ZBTB20: variants seen among roughly 807,000 people sequenced by gnomAD.
ZBTB20 encodes the protein zinc finger and BTB domain-containing protein 20.
Under a neutral mutation model 56.9 loss-of-function variants are expected in ZBTB20, and 9 were observed. The observed-to-expected ratio is 0.16, with a 90% CI of 0.10 to 0.28. The LOEUF (loss-of-function observed/expected upper bound fraction) is 0.28. Ranked by LOEUF, ZBTB20 falls within the 10% of genes least tolerant of loss-of-function variation. The pLI is 1.00. For synonymous variants in ZBTB20, 417 were observed against 420.7 expected (o/e 0.99, Z 0.11); for missense variants, 655 against 1,003.0 (o/e 0.65, Z 4.69).
At chr3:114,736,528 G>A (rs1225245649) in intron 5 of ZBTB20, among the ~76,000 whole-genome samples, 1 of 152,112 alleles carries the variant, frequency 6.6e-6, no homozygotes, top group Non-Finnish European at 1.5e-5. Flanking sequence ...CATTTTGGTA[G>A]TTCTGCATTT....
At chr3:114,660,746 A>T (rs79759699) in intron 6 of ZBTB20, among the ~76,000 whole-genome samples, 14,849 of 152,194 alleles carry the variant, frequency 0.098, 859 homozygotes, top group Middle Eastern at 0.16. Flanking sequence ...TAAAACCTGA[A>T]TCATTTAATG....
chr3:115,012,572 A>T (rs894986763), intron 2 of ZBTB20, among the ~76,000 whole-genome samples: 5 of 151,770 alleles, frequency 3.3e-5, no homozygotes, highest in Non-Finnish European at 5.9e-5. Context: ...TACAAAGCAA[A>T]CATTTTTATA....
intron 10 of ZBTB20, among the ~76,000 whole-genome samples, chr3:114,363,690 A>G (rs1330282121): frequency 6.6e-6 from 1 of 152,202 alleles, no homozygotes; most frequent in African/African-American, 2.4e-5. Context: ...GATTTAGGGC[A>G]TTACTAGTAT....
At chr3:114,700,761 C>A (rs1003390051) in intron 5 of ZBTB20, among the ~76,000 whole-genome samples, 3 of 152,228 alleles carry the variant, frequency 2.0e-5, no homozygotes, top group African/African-American at 2.4e-5. Flanking sequence ...TTAAAAGAGT[C>A]CTCTGACATG....
intron 6 of ZBTB20, among the ~76,000 whole-genome samples, chr3:114,622,387 C>T (rs1357371447): frequency 6.6e-6 from 1 of 152,070 alleles, no homozygotes; most frequent in Non-Finnish European, 1.5e-5. Context: ...CTAACACGAG[C>T]TAACTACAAT....
chr3:114,730,602 T>C (rs891505657), intron 5 of ZBTB20, among the ~76,000 whole-genome samples: 1 of 152,186 alleles, frequency 6.6e-6, no homozygotes, highest in South Asian at 2.1e-4. Flanking sequence ...AGAGGTTCTC[T>C]TGAGCTCACA....
intron 6 of ZBTB20, among the ~76,000 whole-genome samples, chr3:114,573,132 T>A (rs1412322769): frequency 6.6e-6 from 1 of 152,170 alleles, no homozygotes; most frequent in Non-Finnish European, 1.5e-5. Context: ...TTGAGTATGT[T>A]AATCTTAGAA....
intron 3 of ZBTB20, among the ~76,000 whole-genome samples, chr3:114,908,025 A>G (rs373722865): frequency 3.3e-4 from 50 of 152,074 alleles, no homozygotes; most frequent in African/African-American, 1.2e-3. Context: ...TCAAGTGAAG[A>G]CCCAAAAGAA....
chr3:114,659,997 T>C (rs1328603581), intron 6 of ZBTB20, among the ~76,000 whole-genome samples: 1 of 151,984 alleles, frequency 6.6e-6, no homozygotes, highest in Non-Finnish European at 1.5e-5. Context: ...TAAAAATTTT[T>C]TAAAAATTCT....
intron 5 of ZBTB20, among the ~76,000 whole-genome samples, chr3:114,789,411 G>A (rs767735404): frequency 3.3e-5 from 5 of 152,104 alleles, no homozygotes; most frequent in Admixed American, 6.6e-5. Context: ...AGCGGTTAGC[G>A]TGCAACTAGA....
At chr3:115,113,506 G>A (rs1408642251) in intron 1 of ZBTB20, among the ~76,000 whole-genome samples, 1 of 152,164 alleles carries the variant, frequency 6.6e-6, no homozygotes, top group East Asian at 1.9e-4. Context: ...GCTCCAACAG[G>A]GTCTGCAGCA....
chr3:114,339,278 C>T lies in ZBTB20; in HGVS notation c.1953G>A (p.Val651=), dbSNP rs752663680. ...KRFTQKSSLN[V]HMRLHRGEKS... ...TCTCTCCCCGGTGGAGGCGCATGTG[C>T]ACGTTGAGGGAGCTCTTCTGGGTGA... Residue 651 remains valine, a synonymous_variant, in exon 12 of 12, where the codon GTG becomes GTA. Transcript: ENST00000675478. This position sits in a 1 kb window ranked among gnomAD's most constrained non-coding sequence, Gnocchi z 4.2. 12 of 1,614,062 alleles carry T rather than the reference C, an allele frequency of 7.4e-6. No homozygotes were observed. In the South Asian group the frequency reaches 1.2e-4, roughly 16 times the overall value.
intron 1 of ZBTB20, among the ~76,000 whole-genome samples, chr3:115,145,916 T>C (rs532857491): frequency 1.1e-4 from 16 of 152,328 alleles, no homozygotes; most frequent in East Asian, 5.8e-4. Context: ...CTTGAAAACA[T>C]TGGGTGAATG....
intron 3 of ZBTB20, among the ~76,000 whole-genome samples, chr3:114,966,459 C>A (rs947242261): frequency 2.6e-5 from 4 of 152,112 alleles, no homozygotes; most frequent in African/African-American, 7.2e-5. Flanking sequence ...TTAACACTTT[C>A]TATGTGCTAG....
At chr3:115,146,982 G>C (rs1560608879) in intron 1 of ZBTB20, among the ~76,000 whole-genome samples, 2 of 150,112 alleles carry the variant, frequency 1.3e-5, no homozygotes, top group Non-Finnish European at 3.0e-5. Context: ...CGCCGGGGGA[G>C]GGGGCGCGGG....
chr3:114,865,412 A>C lies in ZBTB20; in HGVS notation c.-417+34892T>G, dbSNP rs560523751. On this transcript the variant is annotated intron_variant, in intron 4 of 11. Coordinates refer to ENST00000675478, the MANE Select transcript of ZBTB20 (RefSeq NM_001348800.3). ...CTTGTCTTAAGTACTAGAGAAAGAA[A>C]TATTTGGTCCTAGGTGGCAGATCTT... 2.6e-5 allele frequency among the ~76,000 whole-genome samples: 4 copies of C among 152,278 alleles called. No homozygotes were observed. In the South Asian group the frequency reaches 8.3e-4, roughly 32 times the overall value.
intron 7 of ZBTB20, among the ~76,000 whole-genome samples, chr3:114,491,216 C>T (rs1489850388): frequency 6.6e-6 from 1 of 152,184 alleles, no homozygotes; most frequent in Non-Finnish European, 1.5e-5. Context: ...AAACCCTATC[C>T]TAATTCAAAC....
At chr3:114,410,108 T>C (rs549007925) in intron 7 of ZBTB20, among the ~76,000 whole-genome samples, 1 of 152,246 alleles carries the variant, frequency 6.6e-6, no homozygotes, top group East Asian at 1.9e-4. Context: ...ATGTTTCTTC[T>C]GAGAAAGACA....
At chr3:115,063,371 T>C (rs1178829815) in intron 2 of ZBTB20, among the ~76,000 whole-genome samples, 2 of 152,180 alleles carry the variant, frequency 1.3e-5, no homozygotes, top group Non-Finnish European at 2.9e-5. Context: ...TTTTGATGAA[T>C]GCCTTTGTCC....
Sources: gnomAD v4.1 joint callset for allele counts (sites outside exome capture counted in the v4.1 genomes callset) on GRCh38, gnomAD v4.1.1 for gene constraint, Gnocchi (gnomAD v3.1) non-coding constraint, MANE v1.5 for transcripts, NCBI Gene and HGNC (gene_info 2026-07-23, HGNC 2026-07-21) for gene names.